USP14: variants seen among roughly 807,000 people sequenced by gnomAD.
USP14 encodes the protein ubiquitin specific peptidase 14, also known as ubiquitin carboxyl-terminal hydrolase 14.
In USP14, 38 loss-of-function variants were observed where a neutral mutation model predicts 76.5. That is an observed-to-expected ratio of 0.50 (90% CI 0.38 to 0.65). USP14 has a LOEUF of 0.65. USP14 is among the 30% of genes least tolerant of loss of function. USP14 has a pLI of 0.00. For synonymous variants in USP14, 192 were observed against 191.7 expected, an observed-to-expected ratio of 1.00 and a Z score of -0.01; for missense variants, 467 against 586.5, an observed-to-expected ratio of 0.80 and a Z score of 2.10.
intron 6 of USP14, among the ~76,000 whole-genome samples, chr18:194,862 C>A (rs1211755746): frequency 6.6e-6 from 1 of 152,082 alleles, no homozygotes; most frequent in Non-Finnish European, 1.5e-5. Flanking sequence ...ACCTGGGAGG[C>A]AGAGGTTACA....
At chr18:191,080 TAGCTAATTACATACCCAAGTGATG>T (rs1910072175) in intron 5 of USP14, among the ~76,000 whole-genome samples, 18 of 152,168 alleles carry the variant, frequency 1.2e-4, no homozygotes, top group Admixed American at 1.2e-3. Flanking sequence ...AGCGATTATA[TAGCTAATTACATACCCAAGTGATG>T]TTCAGGGTAT....
chr18:203,047 C>G (rs746309577), intron 11 of USP14, 51 bp from the exon 12 acceptor site: 1 of 1,603,414 alleles, frequency 6.2e-7, no homozygotes, highest in Admixed American at 1.7e-5. Context: ...ATAATTAAAA[C>G]TTGTATGGTA....
intron 10 of USP14, 77 bp from the exon 11 acceptor site, chr18:202,803 C>T (rs1910418182): frequency 6.9e-7 from 1 of 1,441,246 alleles, no homozygotes; most frequent in African/African-American, 1.4e-5. Context: ...TTTTAAAAGG[C>T]TTACTGGTGT....
intron 10 of USP14, among the ~76,000 whole-genome samples, chr18:201,238 T>C (rs1910376507): frequency 6.6e-6 from 1 of 152,262 alleles, no homozygotes; most frequent in Admixed American, 6.5e-5. Flanking sequence ...AAATCCTGGT[T>C]GATCCTCTTT....
chr18:163,479 A>C (rs576581713), intron 2 of USP14, 26 bp downstream of exon 2: 1 of 1,592,536 alleles, frequency 6.3e-7, no homozygotes, highest in Non-Finnish European at 8.5e-7. Context: ...AATTTTCATC[A>C]CATTACTATT....
rs551885325 is a variant in USP14 at position 167,515 on chromosome 18, GT to G, written c.195+706del. ...TAAACATAGAGGTTTTGCATGAGTG[GT>G]TTTTTTTTTGAGACAGGGTCTCACT... On this transcript the variant is annotated intron_variant, in intron 3 of 15. Transcript: ENST00000261601. Among the ~76,000 whole-genome samples, 441 of 148,446 alleles carry G rather than the reference GT, an allele frequency of 3.0e-3. 3 individuals carry two copies. The highest frequency in any genetic ancestry group is 0.01 in the African/African-American group (417 of 40,566).
intron 1 of USP14, chr18:158,993 C>G: frequency 2.7e-6 from 1 of 373,794 alleles, no homozygotes; most frequent in Middle Eastern, 7.3e-4. Flanking sequence ...TAGTTTCTGA[C>G]GCTGCCCTGG....
At chr18:183,637 C>G (rs1909846509) in intron 5 of USP14, among the ~76,000 whole-genome samples, 3 of 151,984 alleles carry the variant, frequency 2.0e-5, no homozygotes, top group South Asian at 4.1e-4. Context: ...CTTTGTTTCA[C>G]TGCTTACTTA....
chr18:195,260 ATAAT>A (rs1354929159), intron 6 of USP14, among the ~76,000 whole-genome samples: 1 of 152,130 alleles, frequency 6.6e-6, no homozygotes, highest in African/African-American at 2.4e-5. Flanking sequence ...ATTTAAAAAA[ATAAT>A]TAGCTTGGTA....
intron 6 of USP14, among the ~76,000 whole-genome samples, chr18:196,096 G>A (rs1192578072): frequency 6.6e-6 from 1 of 152,088 alleles, no homozygotes. Context: ...GCCGAGGCTG[G>A]CGGATCACAA....
chr18:160,661 T>C (rs1018310540), intron 1 of USP14, among the ~76,000 whole-genome samples: 2 of 152,272 alleles, frequency 1.3e-5, no homozygotes, highest in African/African-American at 4.8e-5. Context: ...AGTAACTTGC[T>C]CATGGCAATA....
At position 199,259 on chromosome 18, in the gene USP14, TC is replaced by T. The variant is rs1910322735; in HGVS notation, c.820del (p.Gln274SerfsTer51). On this transcript the variant is annotated frameshift_variant, in exon 10 of 16. Transcript: ENST00000261601. LOFTEE classifies it high-confidence loss of function. The stretch of plus-strand genomic sequence containing the variant: ...TCACCAAAGGAAAGGAAAATCAACT[TC>T]AGCTTAGCTGTTTTATCAATCAGGA... ...EVTKGKENQL[Q>X]LSCFINQEVK... 6.2e-7 allele frequency: 1 copy of T among 1,613,922 alleles called. No homozygotes were observed. The highest frequency in any genetic ancestry group is 2.2e-5 in the East Asian group (1 of 44,860).
chr18:172,927 A>C (rs1163748295), intron 3 of USP14, among the ~76,000 whole-genome samples: 2 of 152,028 alleles, frequency 1.3e-5, no homozygotes, highest in Non-Finnish European at 2.9e-5. Context: ...GTTTTAATCT[A>C]TGTAATACTC....
chr18:196,971 C>G (rs975029838), intron 7 of USP14, among the ~76,000 whole-genome samples: 1 of 152,166 alleles, frequency 6.6e-6, no homozygotes, highest in Non-Finnish European at 1.5e-5. Context: ...CTACACAGCC[C>G]GCAATGTCCT....
intron 3 of USP14, among the ~76,000 whole-genome samples, chr18:167,372 G>A (rs1032008040): frequency 2.6e-5 from 4 of 152,200 alleles, no homozygotes; most frequent in African/African-American, 9.6e-5. Context: ...CATTGAATCT[G>A]TAGCTCAATT....
intron 13 of USP14, 97 bp downstream of exon 13, chr18:204,789 T>A: frequency 7.1e-7 from 1 of 1,411,488 alleles, no homozygotes; most frequent in Non-Finnish European, 9.6e-7. Context: ...CATTTTTCCT[T>A]CAGAACTATA....
intron 5 of USP14, 71 bp from the exon 6 acceptor site, chr18:192,764 CCTTTTAA>C: frequency 1.4e-6 from 2 of 1,407,720 alleles, no homozygotes; most frequent in Non-Finnish European, 2.0e-6. Context: ...CATAAGAACT[CCTTTTAA>C]CTGGTTTCTT....
intron 1 of USP14, among the ~76,000 whole-genome samples, chr18:160,928 A>T (rs999260854): frequency 3.3e-4 from 50 of 151,104 alleles, no homozygotes; most frequent in African/African-American, 1.2e-3. Context: ...ATTTTATTTT[A>T]TTTTTTTTTA....
At chr18:209,895 A>G in intron 13 of USP14, 76 bp from the exon 14 acceptor site, 1 of 1,138,522 alleles carries the variant, frequency 8.8e-7, no homozygotes, top group Non-Finnish European at 1.3e-6. Flanking sequence ...AATATTTATG[A>G]AATTGAACAC....
Sources: allele counts gnomAD v4.1 joint callset (sites outside exome capture counted in the v4.1 genomes callset), GRCh38; gene constraint gnomAD v4.1.1; transcripts MANE v1.5; gene names NCBI Gene and HGNC (gene_info 2026-07-23, HGNC 2026-07-21).